Variants in SMCO4 observed in about 807,000 individuals in gnomAD.
SMCO4 encodes the protein single-pass membrane protein with coiled-coil domains 4.
SMCO4 carries 4 observed loss-of-function variants against 3.6 expected under a neutral mutation model. The ratio of observed to expected loss-of-function variants is 1.11; its 90% CI spans 0.54 to 2.53. SMCO4 has a LOEUF of 2.53. SMCO4 is among the 30% of genes most tolerant of loss of function. The pLI, the probability that SMCO4 is intolerant of heterozygous loss-of-function variation, is 0.02. For missense variants in SMCO4, 70 were observed against 80.8 expected, an observed-to-expected ratio of 0.87 and a Z score of 0.51; for synonymous variants, 36 against 35.3, an observed-to-expected ratio of 1.02 and a Z score of -0.07.
upstream of SMCO4, among the ~76,000 whole-genome samples, chr11:93,544,769 C>A (rs1949302313): frequency 6.6e-6 from 1 of 152,128 alleles, no homozygotes; most frequent in African/African-American, 2.4e-5. Flanking sequence ...CAACGGTAAA[C>A]TGTGGAGAAT....
At chr11:93,513,425 G>C (rs1948976908) in intron 1 of SMCO4, among the ~76,000 whole-genome samples, 1 of 152,184 alleles carries the variant, frequency 6.6e-6, no homozygotes, top group Admixed American at 6.5e-5. Flanking sequence ...TGATGGGGGG[G>C]AACCCCTAAA....
chr11:93,517,069 C>T (rs1949014300), intron 1 of SMCO4, among the ~76,000 whole-genome samples: 2 of 152,034 alleles, frequency 1.3e-5, no homozygotes, highest in African/African-American at 4.8e-5. Context: ...AAAGACCTTT[C>T]TTCCAAGGAA....
chr11:93,552,379 A>C, the SMCO4 span, among the ~76,000 whole-genome samples: 1 of 150,556 alleles, frequency 6.6e-6, no homozygotes, highest in East Asian at 1.9e-4. Context: ...GCCTCAGGTG[A>C]TCCACCCACC....
chr11:93,508,487 GAGA>G (rs1238689382), intron 1 of SMCO4, among the ~76,000 whole-genome samples: 36 of 152,316 alleles, frequency 2.4e-4, no homozygotes, highest in African/African-American at 8.2e-4. Context: ...AGAGCAGGAA[GAGA>G]AGAATATTAA....
upstream of SMCO4, among the ~76,000 whole-genome samples, chr11:93,548,228 AT>A (rs1164972787): frequency 6.6e-6 from 1 of 152,234 alleles, no homozygotes; most frequent in Non-Finnish European, 1.5e-5. Context: ...AATGTATGCA[AT>A]TCTTGTATCA....
chr11:93,500,137 T>C (rs1190896451), intron 1 of SMCO4, among the ~76,000 whole-genome samples: 1 of 152,256 alleles, frequency 6.6e-6, no homozygotes, highest in African/African-American at 2.4e-5. Context: ...TAAATCTTGG[T>C]TTACCGTGCT....
At chr11:93,514,724 AT>A (rs1208599727) in intron 1 of SMCO4, among the ~76,000 whole-genome samples, 2 of 152,132 alleles carry the variant, frequency 1.3e-5, no homozygotes, top group African/African-American at 4.8e-5. Flanking sequence ...CGGCATTCAC[AT>A]TTTCTAGCCT....
chr11:93,510,120 C>G (rs1014388278), intron 1 of SMCO4, among the ~76,000 whole-genome samples: 2 of 152,204 alleles, frequency 1.3e-5, no homozygotes, highest in African/African-American at 4.8e-5. Context: ...CCACCACCTA[C>G]TTGACAAGGT....
At chr11:93,487,088 A>C (rs1948659069) in intron 2 of SMCO4, among the ~76,000 whole-genome samples, 1 of 152,198 alleles carries the variant, frequency 6.6e-6, no homozygotes, top group African/African-American at 2.4e-5. Context: ...AGCCCAGGGA[A>C]GCTGCCCTGG....
intron 2 of SMCO4, among the ~76,000 whole-genome samples, chr11:93,488,379 A>G (rs1309530151): frequency 1.3e-5 from 2 of 152,236 alleles, no homozygotes; most frequent in Non-Finnish European, 2.9e-5. Flanking sequence ...TGTGTGGACA[A>G]CTGACTGCAG....
At chr11:93,534,903 T>C (rs1008504495) in intron 1 of SMCO4, among the ~76,000 whole-genome samples, 3 of 152,186 alleles carry the variant, frequency 2.0e-5, no homozygotes, top group African/African-American at 7.2e-5. Flanking sequence ...CAGAGCATCC[T>C]GCTAAGGGTC....
chr11:93,542,131 C>T (rs985972405), intron 1 of SMCO4, among the ~76,000 whole-genome samples: 27 of 146,542 alleles, frequency 1.8e-4, no homozygotes, highest in African/African-American at 6.7e-4. Flanking sequence ...AAAAAGCCAA[C>T]ATGAGTCATC....
chr11:93,500,562 T>C (rs1227238204), intron 1 of SMCO4, among the ~76,000 whole-genome samples: 1 of 152,022 alleles, frequency 6.6e-6, no homozygotes, highest in African/African-American at 2.4e-5. Flanking sequence ...TTAAGGTATG[T>C]AAAAGGGAGG....
chr11:93,540,932 T>G lies in SMCO4; in HGVS notation c.-154+2344A>C, dbSNP rs553911170. On this transcript the variant is annotated intron_variant, in intron 1 of 2. Transcript: ENST00000298966. ...AAAATATTTGGAAAAAATTGTTTAA[T>G]AATAAAATACCACTACCTCAAACTC... Among the ~76,000 whole-genome samples, 4 of 152,328 alleles carry G rather than the reference T, an allele frequency of 2.6e-5. No individual in the cohort carries two copies. The East Asian group carries it at 5.8e-4, about 22-fold the overall frequency.
chr11:93,552,722 T>C, the SMCO4 span, among the ~76,000 whole-genome samples: 2 of 152,018 alleles, frequency 1.3e-5, no homozygotes, highest in Non-Finnish European at 2.9e-5. Context: ...TCCACCTGCC[T>C]CAGCCTCCCA....
chr11:93,544,446 T>G (rs1284918275), upstream of SMCO4, among the ~76,000 whole-genome samples: 2 of 152,178 alleles, frequency 1.3e-5, no homozygotes, highest in Non-Finnish European at 2.9e-5. Context: ...GTCTTGGGGT[T>G]TTTTTGTTCT....
chr11:93,492,806 C>T (rs976839962), intron 2 of SMCO4, among the ~76,000 whole-genome samples: 2 of 152,204 alleles, frequency 1.3e-5, no homozygotes, highest in Non-Finnish European at 2.9e-5. Flanking sequence ...ACGGCCGGTC[C>T]AAAAGGGATT....
At chr11:93,503,226 C>A (rs929902041) in intron 1 of SMCO4, among the ~76,000 whole-genome samples, 25 of 151,984 alleles carry the variant, frequency 1.6e-4, no homozygotes, top group Admixed American at 6.6e-4. Flanking sequence ...ATTGTGAGGC[C>A]CCCCCAACCA....
intron 1 of SMCO4, among the ~76,000 whole-genome samples, chr11:93,525,211 T>C (rs1383782059): frequency 2.6e-5 from 4 of 152,224 alleles, no homozygotes; most frequent in Admixed American, 2.6e-4. Context: ...TCAGAAGATC[T>C]TACGTTTGAA....
Sources: gnomAD v4.1 joint callset for allele counts (sites outside exome capture counted in the v4.1 genomes callset) on GRCh38, gnomAD v4.1.1 for gene constraint, MANE v1.5 for transcripts, NCBI Gene and HGNC (gene_info 2026-07-23, HGNC 2026-07-21) for gene names.